Variants in GRIP2 observed in about 807,000 individuals in gnomAD.
GRIP2 encodes the protein glutamate receptor-interacting protein 2.
GRIP2 carries 58 observed loss-of-function variants against 108.3 expected under a neutral mutation model. The observed-to-expected ratio is 0.54, with a 90% CI of 0.43 to 0.67. The LOEUF (loss-of-function observed/expected upper bound fraction) is 0.67. Ranked by LOEUF, GRIP2 falls within the 30% of genes least tolerant of loss-of-function variation. The pLI, the probability that GRIP2 is intolerant of heterozygous loss-of-function variation, is 0.00. For missense variants in GRIP2, 1,278 were observed against 1,430.6 expected (o/e 0.89, Z 1.72); for synonymous variants, 586 against 598.2 (o/e 0.98, Z 0.30).
At chr3:14,542,150 T>C, upstream of GRIP2, 1 of 994,454 alleles carries the variant, frequency 1.0e-6, no homozygotes. Flanking sequence ...CTTTTTATTT[T>C]TTATTTTTTT....
chr3:14,532,849 C>T (rs1220172344), intron 1 of GRIP2, among the ~76,000 whole-genome samples: 3 of 152,050 alleles, frequency 2.0e-5, no homozygotes, highest in African/African-American at 7.2e-5. Context: ...GAGTTGAGGG[C>T]GGGGCTCAGC....
In GRIP2 at chr3:14,494,910, A is replaced by C; in HGVS notation, c.2903T>G (p.Val968Gly). 6.2e-7 allele frequency: 1 copy of C among 1,613,948 alleles called. No homozygotes were observed. Among genetic ancestry groups the C allele is most frequent in the Non-Finnish European group, 8.5e-7 (1 of 1,179,846 alleles). The change falls in exon 23 of 24, where the codon GTC becomes GGC. Residue 968 changes from valine to glycine, a missense_variant. By Grantham distance (109) the Val-to-Gly change is moderately radical. Coordinates refer to ENST00000621039, the MANE Select transcript of GRIP2 (RefSeq NM_001080423.4). ...SDGLLEKGVY[V>G]HTVRPDGPAH... ...TGGCCCATCAGGGCGCACAGTGTGG[A>C]CATAGACACCTTTTTCCAGGAGGCC...
At chr3:14,574,058 G>A in the GRIP2 span, 11 of 1,501,504 alleles carry the variant, frequency 7.3e-6, no homozygotes, top group South Asian at 8.0e-5. Flanking sequence ...CCTGCTGCAC[G>A]TACTTGACGT....
chr3:14,564,976 T>C, the GRIP2 span, among the ~76,000 whole-genome samples: 1 of 152,160 alleles, frequency 6.6e-6, no homozygotes, highest in Admixed American at 6.5e-5. Context: ...TGTGATTCAA[T>C]AGAGCAAACA....
At chr3:14,600,534 C>G in the GRIP2 span, among the ~76,000 whole-genome samples, 1 of 152,182 alleles carries the variant, frequency 6.6e-6, no homozygotes, top group African/African-American at 2.4e-5. Context: ...GGCAGATGAG[C>G]TGGTCTTGTT....
In GRIP2 at chr3:14,523,625, G is replaced by A. The variant is rs1201639957; in HGVS notation, c.477C>T (p.Gly159=). The part of the protein sequence containing the change: ...VSLYKEGNSF[G]FVLRGGAHED... The stretch of plus-strand genomic sequence containing the variant: ...TCTTTCACTGACCTCTAAGGACAAA[G>A]CCAAAGCTATTGCCCTCCTTGTAGA... The change falls in exon 5 of 24, where the codon GGC becomes GGT. Residue 159 remains glycine, a synonymous_variant. Coordinates refer to ENST00000621039, the MANE Select transcript of GRIP2 (RefSeq NM_001080423.4). 1.9e-6 allele frequency: 3 copies of A among 1,610,626 alleles called. No homozygotes were observed. Among genetic ancestry groups the A allele is most frequent in the Non-Finnish European group, 2.5e-6 (3 of 1,178,072 alleles).
chr3:14,546,286 G>A (rs976132990), upstream of GRIP2, among the ~76,000 whole-genome samples: 2 of 152,186 alleles, frequency 1.3e-5, no homozygotes, highest in African/African-American at 2.4e-5. Context: ...GACAAGGTCG[G>A]CCGAGGCCAG....
chr3:14,557,133 C>A (rs1695248152), upstream of GRIP2, among the ~76,000 whole-genome samples: 1 of 152,258 alleles, frequency 6.6e-6, no homozygotes, highest in Admixed American at 6.5e-5. Context: ...TCCTGCCAAT[C>A]CCCATCACTT....
At chr3:14,543,527 T>C (rs1488623533), upstream of GRIP2, among the ~76,000 whole-genome samples, 3 of 152,212 alleles carry the variant, frequency 2.0e-5, no homozygotes, top group Admixed American at 6.5e-5. Flanking sequence ...TTCTAGGACA[T>C]GAGAAGAGGC....
intron 1 of GRIP2, among the ~76,000 whole-genome samples, chr3:14,537,744 T>C (rs1006161362): frequency 5.9e-5 from 9 of 151,498 alleles, no homozygotes; most frequent in African/African-American, 1.9e-4. Context: ...CTCGGAGGAG[T>C]GGGTAGCCCA....
chr3:14,584,941 C>T, the GRIP2 span, among the ~76,000 whole-genome samples: 2 of 152,216 alleles, frequency 1.3e-5, no homozygotes, highest in South Asian at 4.1e-4. Context: ...CAAGGGGCCA[C>T]CTGCCACCTC....
In GRIP2 at chr3:14,506,882, A is replaced by G. The variant is rs1181582237; in HGVS notation, c.2317T>C (p.Phe773Leu). Residue 773 changes from phenylalanine (F) to leucine (L), a missense_variant, in exon 19 of 24, where the codon TTC becomes CTC. Phe to Leu is a conservative substitution (Grantham distance 22, BLOSUM62 0). Transcript: ENST00000621039. Reference sequence around the variant, plus strand: ...TCCACACTGGGCACAGCCGGCGAGAAGCGGGCTGCTGGCAGGCCTCCTTTC... The same window carrying G: ...TCCACACTGGGCACAGCCGGCGAGAGGCGGGCTGCTGGCAGGCCTCCTTTC... Reference protein sequence around the residue: ...ALKGGLPAARFSPAVPSVDSA... With the variant: ...ALKGGLPAARLSPAVPSVDSA... The G allele has an allele frequency of 6.2e-7, 1 of 1,606,992 alleles. No homozygotes were observed. Among genetic ancestry groups the G allele is most frequent in the African/African-American group, 1.3e-5 (1 of 74,788 alleles).
At chr3:14,549,606 C>T (rs563397264) in intron 1 of GRIP2, among the ~76,000 whole-genome samples, 10 of 152,350 alleles carry the variant, frequency 6.6e-5, no homozygotes, top group East Asian at 3.9e-4. Context: ...ACATCCTCTA[C>T]GCCCAAGTGG....
Position 14,503,649 on chromosome 3 carries a change from C to G in GRIP2, c.2596G>C (p.Glu866Gln). 6.6e-7 allele frequency: 1 copy of G among 1,522,604 alleles called. No individual in the cohort carries two copies. Among genetic ancestry groups the G allele is most frequent in the Non-Finnish European group, 8.9e-7 (1 of 1,123,022 alleles). The allele number at this position is 1,522,604 out of a possible 1,614,324, so 94.3% of individuals were successfully genotyped here. A position where few individuals can be genotyped will look rare whatever the true frequency, so the allele number is the denominator to read the frequency against. The change falls in exon 21 of 24, where the codon GAG (glutamate) becomes CAG (glutamine). Residue 866 changes from glutamate (E) to glutamine (Q), a missense_variant. Glu to Gln is a conservative substitution (Grantham distance 29, BLOSUM62 2). Coordinates refer to ENST00000621039, the MANE Select transcript of GRIP2 (RefSeq NM_001080423.4). ...PTSPAPGPAR[E>Q]EGFWRMFGEA... The stretch of plus-strand genomic sequence containing the variant: ...CCAAACATGCGCCAGAAGCCCTCCT[C>G]TCGGGCAGGGCCAGGGGCTGGGCTG...
In GRIP2 at chr3:14,520,246, C is replaced by G. The variant is rs773172263; in HGVS notation, c.894G>C (p.Leu298=). Residue 298 remains leucine, a synonymous_variant, in exon 9 of 24, where the codon CTG becomes CTC. Coordinates refer to ENST00000621039, the MANE Select transcript of GRIP2 (RefSeq NM_001080423.4). ...GTTCCATGCTGGTGCCATCGATGGA[C>G]AGGATGTGGTCTCCAGGGTGCAGGG... ...SGALHPGDHI[L]SIDGTSMEHC... The G allele has an allele frequency of 6.2e-7, 1 of 1,613,858 alleles. No homozygotes were observed. Among genetic ancestry groups the G allele is most frequent in the Non-Finnish European group, 8.5e-7 (1 of 1,179,880 alleles).
intron 1 of GRIP2, among the ~76,000 whole-genome samples, chr3:14,535,851 G>A (rs763734775): frequency 1.1e-4 from 16 of 152,140 alleles, no homozygotes; most frequent in African/African-American, 2.4e-4. Context: ...CTGCAGCCCC[G>A]GGGCTGTTCG....
intron 2 of GRIP2, 106 bp from the exon 3 acceptor site, chr3:14,525,678 G>T: frequency 7.1e-7 from 1 of 1,403,144 alleles, no homozygotes; most frequent in Non-Finnish European, 1.0e-6. Context: ...GCACTCTGCT[G>T]CATTGCCCTG....
At chr3:14,574,668 G>T in the GRIP2 span, 4 of 637,164 alleles carry the variant, frequency 6.3e-6, no homozygotes, top group East Asian at 6.6e-5. Context: ...CGTGTTTTCC[G>T]CCAGAAAGCT....
At chr3:14,570,875 A>C in the GRIP2 span, among the ~76,000 whole-genome samples, 1 of 152,210 alleles carries the variant, frequency 6.6e-6, no homozygotes, top group African/African-American at 2.4e-5. Flanking sequence ...GAAATGAAGG[A>C]AACTTTTATG....
Sources: allele counts gnomAD v4.1 joint callset (sites outside exome capture counted in the v4.1 genomes callset), GRCh38; gene constraint gnomAD v4.1.1; transcripts MANE v1.5; gene names NCBI Gene and HGNC (gene_info 2026-07-23, HGNC 2026-07-21).